GRIK1: variants seen among roughly 807,000 people sequenced by gnomAD.
GRIK1 encodes glutamate receptor ionotropic, kainate 1.
A neutral mutation model predicts 105.7 loss-of-function variants in GRIK1; 69 were observed. That is an observed-to-expected ratio of 0.65 (90% CI 0.54 to 0.80). The LOEUF (loss-of-function observed/expected upper bound fraction) is 0.80, where lower values mean the gene tolerates loss of function less well. Ranked by LOEUF, GRIK1 falls within the 30% of genes least tolerant of loss-of-function variation. The pLI is 0.00. For synonymous variants in GRIK1, 438 were observed against 431.3 expected (o/e 1.02, Z -0.19); for missense variants, 1,109 against 1,167.3 (o/e 0.95, Z 0.73).
At chr21:29,627,633 A>G (rs1001507940) in intron 7 of GRIK1, among the ~76,000 whole-genome samples, 4 of 152,178 alleles carry the variant, frequency 2.6e-5, no homozygotes, top group Admixed American at 1.3e-4. Flanking sequence ...TGCATTCCCA[A>G]ATCAGTTCTT....
intron 14 of GRIK1, among the ~76,000 whole-genome samples, chr21:29,564,134 TCAC>T (rs1466505743): frequency 6.6e-6 from 1 of 152,208 alleles, no homozygotes; most frequent in Non-Finnish European, 1.5e-5. Context: ...TTAAATTTTT[TCAC>T]CACATTTATT....
rs935038787 is a variant in GRIK1, at chr21:29,643,037, A to G, written c.955-68T>C. ...CTTACCTTCCTTTACTTGCATAATC[A>G]CTCTCCCTGCTTCCATAGCTCTTAT... On this transcript the variant is annotated intron_variant, in intron 6 of 17. Transcript: ENST00000327783. The G allele has an allele frequency of 2.8e-6, 4 of 1,444,774 alleles. No individual in the cohort carries two copies. In the African/African-American group the frequency reaches 5.6e-5, roughly 20 times the overall value. The allele number at this position is 1,444,774 out of a possible 1,614,324, so 89.5% of individuals were successfully genotyped here.
intron 12 of GRIK1, among the ~76,000 whole-genome samples, chr21:29,584,745 G>A (rs1222895025): frequency 6.6e-6 from 1 of 152,114 alleles, no homozygotes; most frequent in Non-Finnish European, 1.5e-5. Flanking sequence ...GAAATTTACT[G>A]TTTTTCATGT....
rs2062360904 is a variant in GRIK1 at position 29,634,808 on chromosome 21, G to A, written c.1098+8018C>T. ...CAGGCTGAAAGGTATATGACAAAAA[G>A]GGTGTTATTAGGCAGGTTTAGTCAG... is the stretch of plus-strand genomic sequence containing the variant. On this transcript the variant is annotated intron_variant, in intron 7 of 17. Transcript: ENST00000327783. Among the ~76,000 whole-genome samples the A allele has an allele frequency of 2.0e-5, 3 of 152,266 alleles. No individual in the cohort carries two copies. The Middle Eastern group carries it at 0.01, about 518-fold the overall frequency.
intron 1 of GRIK1, among the ~76,000 whole-genome samples, chr21:29,776,957 A>G (rs2065961276): frequency 1.3e-5 from 2 of 152,202 alleles, no homozygotes; most frequent in Non-Finnish European, 2.9e-5. Context: ...AGACAATACC[A>G]GAAGAAAATA....
intron 2 of GRIK1, among the ~76,000 whole-genome samples, chr21:29,692,216 T>G (rs942730327): frequency 1.3e-5 from 2 of 152,242 alleles, no homozygotes; most frequent in Non-Finnish European, 2.9e-5. Context: ...GCCAGGTACT[T>G]CAGACCACAG....
At chr21:29,863,311 C>T (rs2068702146) in intron 1 of GRIK1, among the ~76,000 whole-genome samples, 1 of 152,110 alleles carries the variant, frequency 6.6e-6, no homozygotes, top group African/African-American at 2.4e-5. Context: ...TCACGTGTGT[C>T]AACAGCACCC....
At chr21:29,591,031 GAAA>G in intron 10 of GRIK1, 78 bp downstream of exon 10, 1 of 823,762 alleles carries the variant, frequency 1.2e-6, no homozygotes, top group East Asian at 2.4e-5. Context: ...GCGTTGGCAT[GAAA>G]AAGACAGTTG....
chr21:29,866,777 A>G (rs1414280535), intron 1 of GRIK1, among the ~76,000 whole-genome samples: 1 of 152,264 alleles, frequency 6.6e-6, no homozygotes, highest in African/African-American at 2.4e-5. Context: ...TTATTCTTGC[A>G]AAAGAAAACA....
At chr21:29,740,901 T>C (rs926200804) in intron 1 of GRIK1, among the ~76,000 whole-genome samples, 1 of 152,192 alleles carries the variant, frequency 6.6e-6, no homozygotes, top group Non-Finnish European at 1.5e-5. Flanking sequence ...ACCAAGTAGA[T>C]AGCTGAAATA....
intron 1 of GRIK1, among the ~76,000 whole-genome samples, chr21:29,915,757 G>A (rs181011608): frequency 6.6e-6 from 1 of 152,098 alleles, no homozygotes; most frequent in Admixed American, 6.6e-5. Flanking sequence ...AAATGCAATA[G>A]TGTTACCCCC....
Position 29,555,122 on chromosome 21 carries a change from A to G in GRIK1, c.2537T>C (p.Leu846Pro). Residue 846 changes from leucine to proline, a missense_variant, in exon 16 of 18, where the codon CTG becomes CCG. Leu to Pro is a moderately conservative substitution (Grantham distance 98). Coordinates refer to ENST00000327783, the MANE Select transcript of GRIK1 (RefSeq NM_001330994.2). ...AATAGCTACAAATACAGAAAGGACC[A>G]GTCCGGCAGCCAGAACAATGAAGAT... Reference protein sequence around the residue: ...GGIFIVLAAGLVLSVFVAIGE... With the variant: ...GGIFIVLAAGPVLSVFVAIGE... 1.9e-6 allele frequency: 3 copies of G among 1,613,182 alleles called. No individual in the cohort carries two copies. The highest frequency in any genetic ancestry group is 2.5e-6 in the Non-Finnish European group (3 of 1,179,152).
intron 1 of GRIK1, among the ~76,000 whole-genome samples, chr21:29,807,649 C>A (rs1250176657): frequency 6.6e-6 from 1 of 151,970 alleles, no homozygotes; most frequent in Admixed American, 6.6e-5. Context: ...AACATAGCAA[C>A]AAAGCAGAAA....
rs145999719 is a variant in GRIK1, at chr21:29,666,063, T to C, written c.726+6920A>G. Among the ~76,000 whole-genome samples, 568 of 152,244 alleles carry C rather than the reference T, an allele frequency of 3.7e-3. 1 individual carries two copies. Among genetic ancestry groups the C allele is most frequent in the African/African-American group, 0.013 (538 of 41,554 alleles). ...TCCCTCACTGGCAGGAACATACCTA[T>C]ATAAAAAACCTGCACATGTACCCCT... is the stretch of plus-strand genomic sequence containing the variant. On this transcript the variant is annotated intron_variant, in intron 4 of 17. Coordinates refer to ENST00000327783, the MANE Select transcript of GRIK1 (RefSeq NM_001330994.2).
At chr21:29,932,463 A>G (rs1303854477) in intron 1 of GRIK1, among the ~76,000 whole-genome samples, 1 of 152,116 alleles carries the variant, frequency 6.6e-6, no homozygotes, top group African/African-American at 2.4e-5. Flanking sequence ...TAAAGAGTTT[A>G]ATGTTTTCAG....
intron 4 of GRIK1, among the ~76,000 whole-genome samples, chr21:29,659,202 T>A (rs924255832): frequency 6.6e-6 from 1 of 152,332 alleles, no homozygotes; most frequent in Non-Finnish European, 1.5e-5. Flanking sequence ...GCTCCAATTC[T>A]TTATAGAATA....
At chr21:29,830,867 A>C (rs1211452055) in intron 1 of GRIK1, among the ~76,000 whole-genome samples, 1 of 152,198 alleles carries the variant, frequency 6.6e-6, no homozygotes, top group Non-Finnish European at 1.5e-5. Context: ...GTAAGAATTC[A>C]AGGTGATGAA....
chr21:29,554,875 C>T (rs1191635211), intron 16 of GRIK1, among the ~76,000 whole-genome samples, 177 bp downstream of exon 16: 1 of 152,086 alleles, frequency 6.6e-6, no homozygotes. Flanking sequence ...AATGATGGAC[C>T]TGCAGTGCCC....
At chr21:29,655,403 C>T (rs544162857) in intron 4 of GRIK1, among the ~76,000 whole-genome samples, 39 of 150,164 alleles carry the variant, frequency 2.6e-4, no homozygotes, top group African/African-American at 9.0e-4. Context: ...AGGGAAACTC[C>T]GTCTCAAAAA....
Sources: allele counts gnomAD v4.1 joint callset (sites outside exome capture counted in the v4.1 genomes callset), GRCh38; gene constraint gnomAD v4.1.1; transcripts MANE v1.5; gene names NCBI Gene and HGNC (gene_info 2026-07-23, HGNC 2026-07-21).